Variants in SERINC1 observed in about 807,000 individuals in gnomAD.
The protein encoded by SERINC1 is tumor differentially expressed protein 2.
A neutral mutation model predicts 52.9 loss-of-function variants in SERINC1; 38 were observed. The ratio of observed to expected loss-of-function variants is 0.72; its 90% CI spans 0.55 to 0.94. The LOEUF (loss-of-function observed/expected upper bound fraction) is 0.94. SERINC1 is among the 40% of genes least tolerant of loss of function. SERINC1 has a pLI of 0.00. For missense variants in SERINC1, 471 were observed against 533.9 expected (o/e 0.88, Z 1.16); for synonymous variants, 198 against 183.1 (o/e 1.08, Z -0.66).
At chr6:122,457,408 T>C (rs2114483181) in intron 2 of SERINC1, among the ~76,000 whole-genome samples, 1 of 152,324 alleles carries the variant, frequency 6.6e-6, no homozygotes, top group South Asian at 2.1e-4. Flanking sequence ...CTAGCTCTGA[T>C]TTCTCTTTTA....
At chr6:122,467,922 T>C (rs181539861) in intron 1 of SERINC1, among the ~76,000 whole-genome samples, 1 of 152,116 alleles carries the variant, frequency 6.6e-6, no homozygotes, top group Admixed American at 6.6e-5. Flanking sequence ...TAGAAGACAA[T>C]GTCTAAAACA....
At chr6:122,454,085 G>C (rs931993461) in intron 4 of SERINC1, 66 bp downstream of exon 4, 19 of 1,211,026 alleles carry the variant, frequency 1.6e-5, no homozygotes, top group Non-Finnish European at 2.0e-5. Context: ...TATAGTTCCA[G>C]GTGACAATTA....
At chr6:122,465,561 G>T (rs9385246) in intron 1 of SERINC1, among the ~76,000 whole-genome samples, 1 of 152,002 alleles carries the variant, frequency 6.6e-6, no homozygotes, top group Non-Finnish European at 1.5e-5. Flanking sequence ...GTGTACCCTG[G>T]ATCTATCAAT....
chr6:122,456,183 A>G (rs916147068), intron 3 of SERINC1, among the ~76,000 whole-genome samples: 1 of 152,162 alleles, frequency 6.6e-6, no homozygotes, highest in Non-Finnish European at 1.5e-5. Flanking sequence ...TGGTCCACCT[A>G]AAGTTAACAG....
chr6:122,451,529 C>G lies in SERINC1; in HGVS notation c.850+135G>C, dbSNP rs932053490. 2.9e-5 allele frequency: 9 copies of G among 312,268 alleles called. No individual in the cohort carries two copies. The Admixed American group carries it at 3.7e-4, about 13-fold the overall frequency. 19.3% of individuals were successfully genotyped at this position (312,268 alleles called of 1,614,324 possible). ...AAGAAACTAAGTGAAATAAATAATA[C>G]ATCAAAGATCAAAACTTTGTACTTT... is the stretch of plus-strand genomic sequence containing the variant. On this transcript the variant is annotated intron_variant, in intron 7 of 9. Transcript: ENST00000339697.
At chr6:122,461,985 A>G (rs9372700) in intron 1 of SERINC1, among the ~76,000 whole-genome samples, 19,030 of 152,204 alleles carry the variant, frequency 0.13, 1,329 homozygotes, top group East Asian at 0.21. Context: ...TATTTTAGCA[A>G]GTCAAAAACA....
chr6:122,449,622 G>T (rs1349705143), intron 7 of SERINC1, among the ~76,000 whole-genome samples: 4 of 152,206 alleles, frequency 2.6e-5, no homozygotes, highest in African/African-American at 4.8e-5. Context: ...TTTAATGAAA[G>T]AAACTGTCTC....
At chr6:122,451,776 A>AAAAAAAAAATATATATATATATATAT in intron 6 of SERINC1, 22 bp from the exon 7 acceptor site, 19 of 113,056 alleles carry the variant, frequency 1.7e-4, no homozygotes, top group Non-Finnish European at 2.0e-4. Context: ...AAAAAAAAAA[A>AAAAAAAAAATATATATATATATATAT]ATATATATAT....
chr6:122,449,815 G>A (rs1201787714), intron 7 of SERINC1, among the ~76,000 whole-genome samples: 1 of 152,042 alleles, frequency 6.6e-6, no homozygotes, highest in African/African-American at 2.4e-5. Flanking sequence ...TCAGGAGTTC[G>A]AGAACAGCCT....
chr6:122,445,200 A>G lies in SERINC1; in HGVS notation c.1227-21T>C, dbSNP rs369413083. 52 of 1,609,888 alleles carry G rather than the reference A, an allele frequency of 3.2e-5. No individual in the cohort carries two copies. The African/African-American group carries it at 6.5e-4, about 20-fold the overall frequency. ...CATACCTAAAATTTCAGGGAAAATT[A>G]TTAAAAAGGGGCAAGGGGGTTGAAT... is the stretch of plus-strand genomic sequence containing the variant. On this transcript the variant is annotated intron_variant, in intron 9 of 9. Coordinates refer to ENST00000339697, the MANE Select transcript of SERINC1 (RefSeq NM_020755.4).
intron 3 of SERINC1, chr6:122,454,727 G>A (rs1774968549): frequency 6.6e-6 from 1 of 152,668 alleles, no homozygotes; most frequent in African/African-American, 2.4e-5. Context: ...GGAGATCATT[G>A]GGTCACTCCA....
intron 1 of SERINC1, among the ~76,000 whole-genome samples, chr6:122,460,132 T>C (rs540263610): frequency 5.7e-4 from 87 of 152,296 alleles, no homozygotes; most frequent in African/African-American, 2.0e-3. Flanking sequence ...AGTGGTGCGA[T>C]CTCAGCTCAC....
rs569835626 is a variant in SERINC1, at chr6:122,454,979, T to G, written c.372-749A>C. On this transcript the variant is annotated intron_variant, in intron 3 of 9. Transcript: ENST00000339697. ...TCTCCTTTATCATGTGACATAAGAT[T>G]TACTGACTTCACATCAGCATTTAAG... Among the ~76,000 whole-genome samples, 4 of 152,342 alleles carry G rather than the reference T, an allele frequency of 2.6e-5. No individual in the cohort carries two copies. The South Asian group carries it at 8.3e-4, about 32-fold the overall frequency.
In SERINC1 at chr6:122,455,168, A is replaced by G. The variant is rs553629552; in HGVS notation, c.372-938T>C. ...CAATGGGTAGACTTCTGATAGTTAT[A>G]CTGAGTGTCAATTGAATTCAAGGAT... On this transcript the variant is annotated intron_variant, in intron 3 of 9. Coordinates refer to ENST00000339697, the MANE Select transcript of SERINC1 (RefSeq NM_020755.4). Among the ~76,000 whole-genome samples the G allele has an allele frequency of 2.0e-5, 3 of 152,224 alleles. No individual in the cohort carries two copies. In the South Asian group the frequency reaches 6.2e-4, roughly 32 times the overall value.
At position 122,451,430 on chromosome 6, in the gene SERINC1, G is replaced by A. The variant is rs187273822; in HGVS notation, c.850+234C>T. 1.9e-3 allele frequency among the ~76,000 whole-genome samples: 288 copies of A among 152,148 alleles called. 1 individual carries two copies. Among genetic ancestry groups the A allele is most frequent in the Non-Finnish European group, 3.4e-3 (229 of 67,996 alleles). On this transcript the variant is annotated intron_variant, in intron 7 of 9. Transcript: ENST00000339697. The stretch of plus-strand genomic sequence containing the variant: ...GCTTTACTGTGATGCTTGTTTCATT[G>A]TGGTGCTCTGAAACTGAACTCACAG...
chr6:122,452,055 A>C lies in SERINC1; in HGVS notation c.592T>G (p.Leu198Val). 2 of 1,501,550 alleles carry C rather than the reference A, an allele frequency of 1.3e-6. No individual in the cohort carries two copies. 93.0% of individuals were successfully genotyped at this position (1,501,550 alleles called of 1,614,324 possible). ...EGNSRCWYAA[L>V]LSATALNYLL... ...TAATTCAGAGCTGTAGCTGATAACA[A>C]GGCTGTGAAAGAAATATAATTGGAT... is the stretch of plus-strand genomic sequence containing the variant. The change falls in exon 6 of 10, where the codon TTG becomes GTG. Residue 198 changes from leucine (L) to valine (V), a missense_variant and splice_region_variant. Coordinates refer to ENST00000339697, the MANE Select transcript of SERINC1 (RefSeq NM_020755.4).
chr6:122,455,182 GA>G (rs564860295), intron 3 of SERINC1, among the ~76,000 whole-genome samples: 173 of 152,244 alleles, frequency 1.1e-3, no homozygotes, highest in Non-Finnish European at 1.6e-3. Context: ...AGTGTCAATT[GA>G]ATTCAAGGAT....
intron 7 of SERINC1, 26 bp from the exon 8 acceptor site, chr6:122,447,291 G>C: frequency 6.5e-7 from 1 of 1,548,906 alleles, no homozygotes; most frequent in East Asian, 2.2e-5. Flanking sequence ...AAATTAAAAT[G>C]TTAGAATATA....
intron 7 of SERINC1, among the ~76,000 whole-genome samples, chr6:122,448,864 A>G (rs1774856292): frequency 6.8e-6 from 1 of 146,194 alleles, no homozygotes; most frequent in African/African-American, 2.5e-5. Flanking sequence ...GCAACCCTGC[A>G]TTAAACAAGT....
Sources: allele counts gnomAD v4.1 joint callset (sites outside exome capture counted in the v4.1 genomes callset), GRCh38; gene constraint gnomAD v4.1.1; transcripts MANE v1.5; gene names NCBI Gene and HGNC (gene_info 2026-07-23, HGNC 2026-07-21).